YWHAG: variants seen among roughly 807,000 people sequenced by gnomAD.
YWHAG encodes the protein tyrosine 3-monooxygenase/tryptophan 5-monooxygenase activation protein gamma.
In YWHAG, 1 loss-of-function variant was observed where a neutral mutation model predicts 23.3. The observed-to-expected ratio is 0.04, with a 90% CI of 0.02 to 0.20. The LOEUF is 0.20. Among genes scored for constraint, YWHAG ranks in the 10% least tolerant of loss-of-function variants. The pLI, the probability that YWHAG is intolerant of heterozygous loss-of-function variation, is 1.00. For missense variants in YWHAG, 151 were observed against 338.6 expected (o/e 0.45, Z 4.35); for synonymous variants, 160 against 144.0 (o/e 1.11, Z -0.80).
chr7:76,350,869 C>T (rs1803862639), intron 1 of YWHAG, among the ~76,000 whole-genome samples: 1 of 151,928 alleles, frequency 6.6e-6, no homozygotes, highest in South Asian at 2.1e-4. Context: ...AAAGAAAAAT[C>T]GTTAAGTTAA....
chr7:76,331,931 G>A (rs1803548298), intron 1 of YWHAG, among the ~76,000 whole-genome samples: 1 of 152,094 alleles, frequency 6.6e-6, no homozygotes, highest in Non-Finnish European at 1.5e-5. Context: ...TCTACTCAGA[G>A]ATAATTAAAT....
chr7:76,351,245 A>C (rs1803868486), intron 1 of YWHAG, among the ~76,000 whole-genome samples: 1 of 152,182 alleles, frequency 6.6e-6, no homozygotes, highest in Non-Finnish European at 1.5e-5. Flanking sequence ...TCCCTTAAAT[A>C]GGCATGGCAT....
intron 1 of YWHAG, among the ~76,000 whole-genome samples, chr7:76,355,468 A>C (rs989490729): frequency 3.9e-5 from 6 of 152,238 alleles, no homozygotes; most frequent in African/African-American, 1.4e-4. Flanking sequence ...GAAGGCTAAC[A>C]CATGAAAGGC....
chr7:76,346,684 C>T (rs991918414), intron 1 of YWHAG, among the ~76,000 whole-genome samples: 1 of 152,144 alleles, frequency 6.6e-6, no homozygotes, highest in Non-Finnish European at 1.5e-5. Flanking sequence ...TCCCTGAAGA[C>T]TAGACCTGAC....
intron 1 of YWHAG, among the ~76,000 whole-genome samples, chr7:76,337,833 A>C (rs1010578285): frequency 2.0e-5 from 3 of 151,860 alleles, no homozygotes; most frequent in African/African-American, 7.2e-5. Context: ...ACTGTGCCCG[A>C]CCCCATTTGC....
intron 1 of YWHAG, among the ~76,000 whole-genome samples, chr7:76,331,090 ATTACT>A (rs1161578508): frequency 2.0e-5 from 3 of 152,230 alleles, no homozygotes; most frequent in African/African-American, 7.2e-5. Flanking sequence ...ATACTATTAC[ATTACT>A]TGACAACCAT....
Position 76,354,588 on chromosome 7 carries a change from G to C in YWHAG, c.87+4134C>G, listed in dbSNP as rs147736613. ...ACTGCTGATATTGGGAATGGGCAAA[G>C]AAGGGAAAAGTAACTACTTTTCCCA... On this transcript the variant is annotated intron_variant, in intron 1 of 1. Transcript: ENST00000307630. 2.2e-3 allele frequency among the ~76,000 whole-genome samples: 337 copies of C among 152,236 alleles called. No individual in the cohort carries two copies. The Middle Eastern group carries it at 0.024, about 11-fold the overall frequency.
chr7:76,344,539 C>A (rs1049891260), intron 1 of YWHAG, among the ~76,000 whole-genome samples: 1 of 152,154 alleles, frequency 6.6e-6, no homozygotes, highest in African/African-American at 2.4e-5. Flanking sequence ...TTAGTTCGAT[C>A]AAAATTAGTT....
intron 1 of YWHAG, among the ~76,000 whole-genome samples, chr7:76,351,725 C>A (rs1040069430): frequency 3.9e-5 from 6 of 152,192 alleles, no homozygotes; most frequent in African/African-American, 1.2e-4. Flanking sequence ...TCTCCCATCA[C>A]CCCCAGACGG....
chr7:76,330,280 C>T, intron 1 of YWHAG, 47 bp from the exon 2 acceptor site: 1 of 1,559,364 alleles, frequency 6.4e-7, no homozygotes. Flanking sequence ...ATGGTGTCCA[C>T]TGGGTTAACT....
intron 1 of YWHAG, among the ~76,000 whole-genome samples, chr7:76,346,681 A>T (rs1334452404): frequency 6.6e-6 from 1 of 152,016 alleles, no homozygotes; most frequent in East Asian, 1.9e-4. Context: ...AGGTCCCTGA[A>T]GACTAGACCT....
At chr7:76,346,522 A>G (rs61536380) in intron 1 of YWHAG, among the ~76,000 whole-genome samples, 23,486 of 152,216 alleles carry the variant, frequency 0.15, 1,947 homozygotes, top group East Asian at 0.24. Context: ...ATTGACCTGT[A>G]GCCAAGTTAA....
chr7:76,330,335 G>C (rs1313785189), intron 1 of YWHAG, 102 bp from the exon 2 acceptor site: 3 of 1,229,076 alleles, frequency 2.4e-6, no homozygotes, highest in Non-Finnish European at 3.3e-6. Flanking sequence ...GTAACATGAT[G>C]AACAGAAGGA....
At chr7:76,352,418 G>A (rs1445928677) in intron 1 of YWHAG, among the ~76,000 whole-genome samples, 3 of 151,980 alleles carry the variant, frequency 2.0e-5, no homozygotes, top group Non-Finnish European at 2.9e-5. Flanking sequence ...CTGTCATTAC[G>A]TGTTCAGCTG....
intron 1 of YWHAG, among the ~76,000 whole-genome samples, chr7:76,334,500 T>C (rs1031511550): frequency 1.3e-5 from 2 of 151,964 alleles, no homozygotes; most frequent in African/African-American, 4.8e-5. Flanking sequence ...CAATCACAGC[T>C]CACTGCAGCC....
rs1480365725 is a variant in YWHAG, at chr7:76,358,885, G to C, written c.-77C>G. The stretch of plus-strand genomic sequence containing the variant: ...GAAGGGCTTGGAGGGCGCGACTGGA[G>C]CCCAAGTGCCGGAGAGGACCGACCC... On this transcript the variant is annotated 5_prime_UTR_variant, in exon 1 of 2. Coordinates refer to ENST00000307630, the MANE Select transcript of YWHAG (RefSeq NM_012479.4). The C allele has an allele frequency of 5.0e-6, 7 of 1,408,588 alleles. No individual in the cohort carries two copies. Among genetic ancestry groups the C allele is most frequent in the Non-Finnish European group, 6.7e-6 (7 of 1,042,492 alleles). The allele number at this position is 1,408,588 out of a possible 1,614,324, so 87.3% of individuals were successfully genotyped here. A position where few individuals can be genotyped will look rare whatever the true frequency, so the allele number is the denominator to read the frequency against.
intron 1 of YWHAG, among the ~76,000 whole-genome samples, chr7:76,354,058 CA>C (rs750620902): frequency 1.0e-4 from 5 of 49,196 alleles, no homozygotes; most frequent in Non-Finnish European, 1.2e-4. Context: ...GACCTTGCCT[CA>C]AAAAAAAAAA....
rs2115667150 is a variant in YWHAG, at chr7:76,358,776, G to A, written c.33C>T (p.Ala11=). Residue 11 remains alanine (A), a synonymous_variant, in exon 1 of 2, where the codon GCC becomes GCT. Transcript: ENST00000307630. The stretch of plus-strand genomic sequence containing the variant: ...AGCGCTCCGCCTGCTCGGCCAGCCG[G>A]GCTTTCTGCACCAGTTGCTCGCGGT... MVDREQLVQK[A]RLAEQAERYD... 2 of 1,597,428 alleles carry A rather than the reference G, an allele frequency of 1.3e-6. No individual in the cohort carries two copies. The highest frequency in any genetic ancestry group is 1.7e-6 in the Non-Finnish European group (2 of 1,173,318).
Position 76,329,981 on chromosome 7 carries a change from C to G in YWHAG, c.340G>C (p.Glu114Gln), listed in dbSNP as rs1419668779. 6.2e-7 allele frequency: 1 copy of G among 1,614,146 alleles called. No homozygotes were observed. Among genetic ancestry groups the G allele is most frequent in the Non-Finnish European group, 8.5e-7 (1 of 1,180,032 alleles). Residue 114 changes from glutamate (E) to glutamine (Q), a missense_variant, in exon 2 of 2, where the codon GAG (glutamate) becomes CAG (glutamine). Physicochemically the swap from Glu to Gln is conservative, Grantham distance 29. Coordinates refer to ENST00000307630, the MANE Select transcript of YWHAG (RefSeq NM_012479.4). This position sits in a 1 kb window ranked among gnomAD's most constrained non-coding sequence, Gnocchi z 6.1. ...AACACTTTGCTCTCGTACTGGGTCT[C>G]GCTGCAATTCTTGATCAGGTAGTTA... is the stretch of plus-strand genomic sequence containing the variant. ...LDNYLIKNCS[E>Q]TQYESKVFYL...
Sources: allele counts gnomAD v4.1 joint callset (sites outside exome capture counted in the v4.1 genomes callset), GRCh38; gene constraint gnomAD v4.1.1; non-coding constraint Gnocchi (gnomAD v3.1); transcripts MANE v1.5; gene names NCBI Gene and HGNC (gene_info 2026-07-23, HGNC 2026-07-21).